Variants in MCF2L2 observed in about 807,000 individuals in gnomAD.
The protein encoded by MCF2L2 is probable guanine nucleotide exchange factor MCF2L2.
In MCF2L2, 102 loss-of-function variants were observed where a neutral mutation model predicts 150.2. The observed-to-expected ratio is 0.68, with a 90% CI of 0.58 to 0.80. MCF2L2 has a LOEUF of 0.80. Ranked by LOEUF, MCF2L2 falls within the 30% of genes least tolerant of loss-of-function variation. MCF2L2 has a pLI of 0.00. For synonymous variants in MCF2L2, 465 were observed against 491.3 expected (o/e 0.95, Z 0.71); for missense variants, 1,256 against 1,372.8 (o/e 0.91, Z 1.34).
intron 3 of MCF2L2, among the ~76,000 whole-genome samples, chr3:183,354,685 G>A (rs1468890541): frequency 6.6e-6 from 1 of 152,258 alleles, no homozygotes; most frequent in African/African-American, 2.4e-5. Flanking sequence ...TACATGTATT[G>A]ATTGTTGTTT....
At chr3:183,300,293 G>C (rs1213614342) in intron 10 of MCF2L2, 97 bp from the exon 11 acceptor site, 2 of 1,085,394 alleles carry the variant, frequency 1.8e-6, no homozygotes, top group South Asian at 1.7e-5. Context: ...GAGGGAGGCT[G>C]TGGAGATGCT....
intron 3 of MCF2L2, among the ~76,000 whole-genome samples, chr3:183,367,600 T>C (rs1408976977): frequency 6.6e-6 from 1 of 152,144 alleles, no homozygotes; most frequent in East Asian, 1.9e-4. Context: ...TAAATGTAAA[T>C]ACATTCTACA....
intron 27 of MCF2L2, among the ~76,000 whole-genome samples, chr3:183,185,509 T>C (rs1184722599): frequency 1.3e-5 from 2 of 152,248 alleles, no homozygotes; most frequent in Admixed American, 1.3e-4. Context: ...ACAGACAGGC[T>C]ATAGAATCCA....
chr3:183,309,875 C>G, intron 9 of MCF2L2, 40 bp from the exon 10 acceptor site: 1 of 1,609,412 alleles, frequency 6.2e-7, no homozygotes, highest in South Asian at 1.1e-5. Flanking sequence ...TAAACCAACA[C>G]TCACTCACCT....
intron 13 of MCF2L2, among the ~76,000 whole-genome samples, chr3:183,292,560 C>T (rs1272246873): frequency 7.2e-6 from 1 of 139,646 alleles, no homozygotes; most frequent in African/African-American, 2.7e-5. Context: ...GGTATGTACA[C>T]ACACACACAC....
chr3:183,277,318 C>T (rs777560749), intron 14 of MCF2L2, among the ~76,000 whole-genome samples: 1 of 142,428 alleles, frequency 7.0e-6, no homozygotes, highest in Non-Finnish European at 1.5e-5. Flanking sequence ...GCCTCAGCAA[C>T]AGAGCGAGAT....
At chr3:183,362,110 T>A (rs201307428) in intron 3 of MCF2L2, among the ~76,000 whole-genome samples, 1 of 74,384 alleles carries the variant, frequency 1.3e-5, no homozygotes, top group South Asian at 3.5e-4. Flanking sequence ...TCTCAAGAAC[T>A]TTTTTTTTTT....
chr3:183,384,146 AC>A (rs1403666404), intron 2 of MCF2L2, among the ~76,000 whole-genome samples: 2 of 152,182 alleles, frequency 1.3e-5, no homozygotes, highest in African/African-American at 4.8e-5. Context: ...GTGTTTTGAA[AC>A]CGCCTTTTCA....
At chr3:183,366,140 T>C (rs1002323962) in intron 3 of MCF2L2, among the ~76,000 whole-genome samples, 1 of 152,034 alleles carries the variant, frequency 6.6e-6, no homozygotes, top group African/African-American at 2.4e-5. Flanking sequence ...AGGTTTGAAA[T>C]TTCAAACCTA....
intron 5 of MCF2L2, among the ~76,000 whole-genome samples, chr3:183,325,077 T>G (rs1479845689): frequency 1.6e-5 from 2 of 121,552 alleles, no homozygotes; most frequent in Non-Finnish European, 1.6e-5. Context: ...TGAGAACACA[T>G]GGACACGGGA....
intron 16 of MCF2L2, 29 bp from the exon 17 acceptor site, chr3:183,229,810 AC>A (rs754773077): frequency 1.1e-6 from 1 of 931,620 alleles, no homozygotes; most frequent in Admixed American, 2.2e-5. Context: ...GGTAGGTGTT[AC>A]AAACAGGAAC....
chr3:183,212,779 T>C (rs918269778), intron 22 of MCF2L2, among the ~76,000 whole-genome samples: 4 of 151,970 alleles, frequency 2.6e-5, no homozygotes, highest in Admixed American at 6.6e-5. Flanking sequence ...GTGATTACAA[T>C]AGTCAGGGGC....
chr3:183,244,185 T>C (rs1724151850), intron 15 of MCF2L2, among the ~76,000 whole-genome samples: 1 of 147,330 alleles, frequency 6.8e-6, no homozygotes, highest in East Asian at 2.0e-4. Context: ...CTAGAACCAT[T>C]CCCAGTACCA....
At chr3:183,328,520 GAA>G (rs80324258) in intron 5 of MCF2L2, among the ~76,000 whole-genome samples, 12 of 136,126 alleles carry the variant, frequency 8.8e-5, no homozygotes, top group Admixed American at 7.5e-5. Flanking sequence ...TGCTTGGTGT[GAA>G]AAAAAAAAAA....
At chr3:183,389,802 GGGTTA>G (rs1327016417) in intron 1 of MCF2L2, 23 bp from the exon 2 acceptor site, 2 of 1,588,194 alleles carry the variant, frequency 1.3e-6, no homozygotes, top group South Asian at 2.2e-5. Context: ...AATACAAAGT[GGGTTA>G]GTTAAACATG....
intron 2 of MCF2L2, among the ~76,000 whole-genome samples, chr3:183,383,534 C>G (rs530361203): frequency 9.9e-5 from 15 of 152,040 alleles, no homozygotes; most frequent in African/African-American, 3.4e-4. Flanking sequence ...CCACCATGCC[C>G]GGCCAAGAGG....
chr3:183,372,120 T>G (rs1712923658), intron 3 of MCF2L2: 1 of 152,048 alleles, frequency 6.6e-6, no homozygotes, highest in Non-Finnish European at 1.5e-5. Context: ...GCTTAATGAT[T>G]TGGGGGTCCT....
intron 10 of MCF2L2, among the ~76,000 whole-genome samples, chr3:183,301,226 C>T (rs1728832476): frequency 6.6e-6 from 1 of 152,048 alleles, no homozygotes; most frequent in Non-Finnish European, 1.5e-5. Context: ...CTGCTATTTG[C>T]CAAACACTGT....
intron 15 of MCF2L2, among the ~76,000 whole-genome samples, chr3:183,258,947 T>C (rs902752238): frequency 1.4e-4 from 22 of 152,216 alleles, no homozygotes; most frequent in Admixed American, 6.5e-4. Flanking sequence ...ATAAATGCTA[T>C]GTAAACAATT....
Sources: gnomAD v4.1 joint callset for allele counts (sites outside exome capture counted in the v4.1 genomes callset) on GRCh38, gnomAD v4.1.1 for gene constraint, MANE v1.5 for transcripts, NCBI Gene and HGNC (gene_info 2026-07-23, HGNC 2026-07-21) for gene names.